Variants in PRKCB observed in about 807,000 individuals in gnomAD.
PRKCB encodes the protein protein kinase C beta, also known as protein kinase C beta type.
A neutral mutation model predicts 81.5 loss-of-function variants in PRKCB; 13 were observed. The ratio of observed to expected loss-of-function variants is 0.16; its 90% CI spans 0.10 to 0.25. The LOEUF is 0.25. Ranked by LOEUF, PRKCB falls within the 10% of genes least tolerant of loss-of-function variation. PRKCB has a pLI of 1.00. For missense variants in PRKCB, 509 were observed against 875.7 expected (o/e 0.58, Z 5.29); for synonymous variants, 335 against 321.4 (o/e 1.04, Z -0.45).
intron 2 of PRKCB, among the ~76,000 whole-genome samples, chr16:23,937,778 G>C (rs747624963): frequency 1.4e-4 from 21 of 152,150 alleles, no homozygotes; most frequent in Non-Finnish European, 2.6e-4. Flanking sequence ...ATGACCACAG[G>C]CCTCTTACGA....
At chr16:24,071,660 T>C (rs1238970819) in intron 5 of PRKCB, among the ~76,000 whole-genome samples, 3 of 152,010 alleles carry the variant, frequency 2.0e-5, no homozygotes, top group South Asian at 2.1e-4. Flanking sequence ...GCTCTGCACA[T>C]GTCTCTGGGC....
chr16:23,847,540 T>TC lies in PRKCB; in HGVS notation c.205+10135dup, dbSNP rs1567288442. Among the ~76,000 whole-genome samples, 13 of 30,994 alleles carry TC rather than the reference T, an allele frequency of 4.2e-4. No homozygotes were observed. The South Asian group carries it at 9.5e-3, about 23-fold the overall frequency. 20.3% of individuals were successfully genotyped at this position (30,994 alleles called of 152,430 possible). ...CCCATCCACCCAGCTATTCTTCCAT[T>TC]CATCCATCCAACCATCCATCCATCC... On this transcript the variant is annotated intron_variant, in intron 2 of 16. Transcript: ENST00000643927.
intron 14 of PRKCB, 101 bp from the exon 15 acceptor site, chr16:24,185,359 C>T: frequency 2.4e-6 from 3 of 1,254,322 alleles, no homozygotes; most frequent in Middle Eastern, 2.1e-4. Flanking sequence ...GGGTGTGTGG[C>T]TTCACTGTGG....
intron 9 of PRKCB, among the ~76,000 whole-genome samples, chr16:24,144,386 C>T (rs951515055): frequency 1.3e-5 from 2 of 152,284 alleles, no homozygotes; most frequent in South Asian, 4.1e-4. Flanking sequence ...GCAACCTCCA[C>T]CTCTCGGGTT....
chr16:23,975,274 C>T (rs1006194945), intron 2 of PRKCB, among the ~76,000 whole-genome samples: 19 of 152,208 alleles, frequency 1.2e-4, no homozygotes, highest in Non-Finnish European at 2.1e-4. Context: ...GGGATTGACA[C>T]GCATTTGTCT....
intron 7 of PRKCB, among the ~76,000 whole-genome samples, chr16:24,096,959 C>T (rs1005247738): frequency 2.7e-5 from 4 of 150,892 alleles, no homozygotes; most frequent in African/African-American, 9.7e-5. Context: ...GTCCTTTGGA[C>T]CACACACACA....
At chr16:23,995,261 A>G (rs1964939758) in intron 3 of PRKCB, among the ~76,000 whole-genome samples, 1 of 152,164 alleles carries the variant, frequency 6.6e-6, no homozygotes, top group African/African-American at 2.4e-5. Context: ...AGGGGCCCCA[A>G]GAGCTTCTGG....
Position 24,216,975 on chromosome 16 carries a change from A to G in PRKCB, c.*2159A>G. The G allele has an allele frequency of 5.1e-6, 5 of 985,448 alleles. No homozygotes were observed. Among genetic ancestry groups the G allele is most frequent in the Non-Finnish European group, 6.0e-6 (5 of 829,952 alleles). The allele number at this position is 985,448 out of a possible 1,614,324, so 61.0% of individuals were successfully genotyped here. ...GCCCTTATCTGGTGGTTGGATCATG[A>G]TCCCATTTTGCTTGGACATGCTCTC... is the stretch of plus-strand genomic sequence containing the variant. On this transcript the variant is annotated 3_prime_UTR_variant, in exon 17 of 17. Transcript: ENST00000643927.
At chr16:24,106,440 TAG>T (rs1445645074) in intron 7 of PRKCB, among the ~76,000 whole-genome samples, 1 of 151,994 alleles carries the variant, frequency 6.6e-6, no homozygotes, top group Non-Finnish European at 1.5e-5. Context: ...ATTGACCCTA[TAG>T]AGAGAGAGAG....
At chr16:23,949,553 C>T (rs1357282861) in intron 2 of PRKCB, among the ~76,000 whole-genome samples, 1 of 152,130 alleles carries the variant, frequency 6.6e-6, no homozygotes. Context: ...TCTTTGTCTC[C>T]TTTATTTTTC....
At chr16:24,147,607 A>C (rs1967014927) in intron 9 of PRKCB, among the ~76,000 whole-genome samples, 1 of 152,216 alleles carries the variant, frequency 6.6e-6, no homozygotes, top group African/African-American at 2.4e-5. Context: ...GAAAAGAGGA[A>C]TAGGACCAGG....
intron 5 of PRKCB, among the ~76,000 whole-genome samples, chr16:24,048,872 G>C (rs1303757775): frequency 6.6e-6 from 1 of 151,916 alleles, no homozygotes; most frequent in African/African-American, 2.4e-5. Context: ...AACAACTTTT[G>C]CTATTACCCG....
chr16:24,216,911 G>T lies in PRKCB; in HGVS notation c.*2095G>T. The T allele has an allele frequency of 3.0e-6, 3 of 985,404 alleles. No homozygotes were observed. The highest frequency in any genetic ancestry group is 3.6e-6 in the Non-Finnish European group (3 of 829,944). The allele number at this position is 985,404 out of a possible 1,614,324, so 61.0% of individuals were successfully genotyped here. ...AGTGCAGGGTGCTTTCTGCTCTGTA[G>T]CAAGGCAGCAGACATCTCTGAGCCA... On this transcript the variant is annotated 3_prime_UTR_variant, in exon 17 of 17. Transcript: ENST00000643927.
chr16:24,127,355 T>C (rs1596560216), intron 9 of PRKCB, among the ~76,000 whole-genome samples: 1 of 152,150 alleles, frequency 6.6e-6, no homozygotes, highest in East Asian at 1.9e-4. Context: ...ATTAAGATTA[T>C]ATTAAAAGGA....
At chr16:24,166,214 A>C (rs1351715727) in intron 10 of PRKCB, among the ~76,000 whole-genome samples, 2 of 152,156 alleles carry the variant, frequency 1.3e-5, no homozygotes, top group Non-Finnish European at 2.9e-5. Context: ...AGAGGGGATG[A>C]ATTTCCATTT....
At chr16:23,917,552 G>A (rs942939433) in intron 2 of PRKCB, among the ~76,000 whole-genome samples, 4 of 152,238 alleles carry the variant, frequency 2.6e-5, no homozygotes, top group African/African-American at 7.2e-5. Context: ...GATTAGGAGG[G>A]ACTGCAGCTC....
chr16:23,891,891 G>A (rs1382281205), intron 2 of PRKCB, among the ~76,000 whole-genome samples: 1 of 152,164 alleles, frequency 6.6e-6, no homozygotes, highest in Non-Finnish European at 1.5e-5. Flanking sequence ...GACCAGAAGG[G>A]AATTTGTCAG....
At chr16:24,181,159 A>G (rs537738686) in intron 13 of PRKCB, among the ~76,000 whole-genome samples, 2 of 152,346 alleles carry the variant, frequency 1.3e-5, no homozygotes, top group African/African-American at 4.8e-5. Flanking sequence ...ATTTAAATAA[A>G]ACCCAAAAGA....
At chr16:23,914,792 G>A (rs1963713909) in intron 2 of PRKCB, among the ~76,000 whole-genome samples, 1 of 152,194 alleles carries the variant, frequency 6.6e-6, no homozygotes, top group South Asian at 2.1e-4. Context: ...GCTGCCTGTA[G>A]TGTCTTCTTC....
Sources: gnomAD v4.1 joint callset for allele counts (sites outside exome capture counted in the v4.1 genomes callset) on GRCh38, gnomAD v4.1.1 for gene constraint, MANE v1.5 for transcripts, NCBI Gene and HGNC (gene_info 2026-07-23, HGNC 2026-07-21) for gene names.